Variants in DDHD2 observed in about 807,000 individuals in gnomAD.
The protein encoded by DDHD2 is DDHD domain containing 2, also known as triacylglycerol hydrolase DDHD2.
Under a neutral mutation model 91.2 loss-of-function variants are expected in DDHD2, and 62 were observed. That is an observed-to-expected ratio of 0.68 (90% CI 0.55 to 0.84). The LOEUF (loss-of-function observed/expected upper bound fraction) is 0.84, where lower values mean the gene tolerates loss of function less well. DDHD2 is among the 40% of genes least tolerant of loss of function. The pLI is 0.00. For missense variants in DDHD2, 740 were observed against 846.9 expected, an observed-to-expected ratio of 0.87 and a Z score of 1.57; for synonymous variants, 271 against 293.9, an observed-to-expected ratio of 0.92 and a Z score of 0.80.
chr8:38,237,301 G>T (rs535753425), intron 3 of DDHD2, among the ~76,000 whole-genome samples: 1 of 152,134 alleles, frequency 6.6e-6, no homozygotes, highest in African/African-American at 2.4e-5. Context: ...GCTTGAACCT[G>T]GGGGGCGGAG....
At chr8:38,252,932 A>G in intron 14 of DDHD2, 25 bp from the exon 15 acceptor site, 2 of 1,612,722 alleles carry the variant, frequency 1.2e-6, no homozygotes, top group Non-Finnish European at 8.5e-7. Context: ...TAAATCATTT[A>G]ATGTTCTTTA....
intron 6 of DDHD2, among the ~76,000 whole-genome samples, chr8:38,240,682 A>G (rs1338544144): frequency 6.6e-6 from 1 of 152,242 alleles, no homozygotes; most frequent in African/African-American, 2.4e-5. Flanking sequence ...AGTTTAATGA[A>G]TAACAGAAGC....
At chr8:38,267,832 A>T, downstream of DDHD2, 1 of 1,480,822 alleles carries the variant, frequency 6.8e-7, no homozygotes, top group Non-Finnish European at 9.4e-7. Context: ...GGACACCATT[A>T]ACCTCTCTGT....
intron 10 of DDHD2, among the ~76,000 whole-genome samples, 191 bp from the exon 11 acceptor site, chr8:38,249,517 T>A (rs1721620309): frequency 6.6e-6 from 1 of 151,498 alleles, no homozygotes; most frequent in Non-Finnish European, 1.5e-5. Flanking sequence ...ATATTATAAG[T>A]ATTGATATTT....
chr8:38,247,955 C>A, intron 10 of DDHD2, 120 bp downstream of exon 10: 1 of 769,790 alleles, frequency 1.3e-6, no homozygotes, highest in Non-Finnish European at 2.0e-6. Flanking sequence ...ATTAATGTTC[C>A]TTAGCATTAT....
intron 15 of DDHD2, 135 bp downstream of exon 15, chr8:38,253,262 A>C (rs1030426145): frequency 3.0e-6 from 3 of 1,001,708 alleles, no homozygotes; most frequent in African/African-American, 3.3e-5. Context: ...TTAGTTTTCA[A>C]CTTCTAAAGA....
chr8:38,259,803 A>T (rs921566402), intron 16 of DDHD2, among the ~76,000 whole-genome samples: 4 of 152,192 alleles, frequency 2.6e-5, no homozygotes, highest in African/African-American at 9.7e-5. Context: ...TACAGGCATG[A>T]GCCACCGCAC....
intron 9 of DDHD2, 65 bp downstream of exon 9, chr8:38,246,365 CTTATTT>C: frequency 7.5e-7 from 1 of 1,325,088 alleles, no homozygotes; most frequent in Non-Finnish European, 1.1e-6. Context: ...AGATTTTAGA[CTTATTT>C]TTTGTTTTTA....
rs751489686 is a variant in DDHD2, at chr8:38,238,088, G to C, written c.502-1G>C. 1.9e-6 allele frequency: 3 copies of C among 1,607,842 alleles called. No homozygotes were observed. Among genetic ancestry groups the C allele is most frequent in the Non-Finnish European group, 1.7e-6 (2 of 1,178,088 alleles). ...TATTGCTCTGATCTGTTCTGTTTAA[G>C]CTTATGGTGCATTACCAGCCAGTTG... On this transcript the variant is annotated splice_acceptor_variant, in intron 4 of 17. Transcript: ENST00000397166. LOFTEE classifies it high-confidence loss of function.
intron 7 of DDHD2, among the ~76,000 whole-genome samples, chr8:38,242,773 A>G (rs1299894401): frequency 6.6e-6 from 1 of 152,176 alleles, no homozygotes. Context: ...CCAAATTTAG[A>G]AAAAAGGGGG....
At chr8:38,258,140 T>A (rs1184335636) in intron 16 of DDHD2, among the ~76,000 whole-genome samples, 2 of 152,204 alleles carry the variant, frequency 1.3e-5, no homozygotes, top group Non-Finnish European at 2.9e-5. Context: ...CTGGCTATTC[T>A]AATATTTTAT....
At chr8:38,236,809 C>T (rs761289091) in intron 3 of DDHD2, among the ~76,000 whole-genome samples, 11 of 151,858 alleles carry the variant, frequency 7.2e-5, no homozygotes, top group South Asian at 2.1e-4. Context: ...CGTGAGCCAC[C>T]GCGCCCGGCT....
intron 1 of DDHD2, chr8:38,268,068 C>A (rs1396826062): frequency 1.3e-6 from 2 of 1,545,570 alleles, no homozygotes. Context: ...AGAATCCAAC[C>A]AGGCCTGGGC....
At chr8:38,268,634 C>T (rs765835570) in intron 1 of DDHD2, 8 of 1,438,566 alleles carry the variant, frequency 5.6e-6, no homozygotes, top group Non-Finnish European at 1.8e-6. Context: ...CCGTGCGGCT[C>T]GGGCCCCGGT....
At chr8:38,253,852 G>T in intron 16 of DDHD2, 134 bp downstream of exon 16, 1 of 860,702 alleles carries the variant, frequency 1.2e-6, no homozygotes, top group Non-Finnish European at 1.8e-6. Flanking sequence ...GGCCAAGGTG[G>T]GAGGATTGCT....
chr8:38,255,262 G>A, intron 16 of DDHD2: 1 of 384,020 alleles, frequency 2.6e-6, no homozygotes, highest in South Asian at 2.0e-5. Flanking sequence ...TTCTGATGAG[G>A]AATTATCATC....
intron 7 of DDHD2, among the ~76,000 whole-genome samples, chr8:38,244,224 A>G (rs1805453862): frequency 6.6e-6 from 1 of 152,120 alleles, no homozygotes; most frequent in African/African-American, 2.4e-5. Flanking sequence ...CTGGGATTAC[A>G]GGTGTGAGCC....
At chr8:38,264,994 C>G (rs777555810), downstream of DDHD2, 1 of 1,307,396 alleles carries the variant, frequency 7.6e-7, no homozygotes, top group South Asian at 1.2e-5. Flanking sequence ...TCTCGCCGGG[C>G]ACGGTGACTC....
At position 38,253,049 on chromosome 8, in the gene DDHD2, C is replaced by T; in HGVS notation, c.1813C>T (p.Pro605Ser). 6.2e-7 allele frequency: 1 copy of T among 1,614,136 alleles called. No homozygotes were observed. Among genetic ancestry groups the T allele is most frequent in the Non-Finnish European group, 8.5e-7 (1 of 1,180,022 alleles). Residue 605 changes from proline to serine, a missense_variant, in exon 15 of 18, where the codon CCA becomes TCA. By Grantham distance (74) the Pro-to-Ser change is moderately conservative. Coordinates refer to ENST00000397166, the MANE Select transcript of DDHD2 (RefSeq NM_015214.3). ...GGCCTGGAAGTCTTTTACCAGAGCT[C>T]CATACCCTGCCTTACAAGCTTCAGA... Reference protein sequence around the residue: ...RMAWKSFTRAPYPALQASETP... With the variant: ...RMAWKSFTRASYPALQASETP...
Sources: gnomAD v4.1 joint callset for allele counts (sites outside exome capture counted in the v4.1 genomes callset) on GRCh38, gnomAD v4.1.1 for gene constraint, MANE v1.5 for transcripts, NCBI Gene and HGNC (gene_info 2026-07-23, HGNC 2026-07-21) for gene names.